TBC1D22A: variants seen among roughly 807,000 people sequenced by gnomAD.
The protein encoded by TBC1D22A is putative GTPase activator.
In TBC1D22A, 38 loss-of-function variants were observed where a neutral mutation model predicts 60.2. That is an observed-to-expected ratio of 0.63 (90% confidence interval 0.49 to 0.83). The LOEUF (loss-of-function observed/expected upper bound fraction) is 0.83. TBC1D22A is among the 40% of genes least tolerant of loss of function. The pLI is 0.00. For missense variants in TBC1D22A, 628 were observed against 701.0 expected (o/e 0.90, Z 1.18); for synonymous variants, 302 against 281.7 (o/e 1.07, Z -0.72).
intron 11 of TBC1D22A, among the ~76,000 whole-genome samples, chr22:47,098,608 C>T (rs910981123): frequency 3.3e-5 from 5 of 152,086 alleles, no homozygotes; most frequent in African/African-American, 1.2e-4. Context: ...GGTGAGGCAT[C>T]TCCCCGACTC....
At chr22:47,043,593 G>A (rs1429982812) in intron 11 of TBC1D22A, among the ~76,000 whole-genome samples, 1 of 152,202 alleles carries the variant, frequency 6.6e-6, no homozygotes, top group African/African-American at 2.4e-5. Flanking sequence ...TAGGGAAGAT[G>A]GGGTGTGTTC....
At chr22:46,774,114 T>A in intron 1 of TBC1D22A, 1 of 985,688 alleles carries the variant, frequency 1.0e-6, no homozygotes, top group Non-Finnish European at 1.2e-6. Flanking sequence ...GAACTCAGGC[T>A]GCTGCCTGCT....
At chr22:46,862,503 A>G (rs371637916) in intron 4 of TBC1D22A, among the ~76,000 whole-genome samples, 1 of 152,156 alleles carries the variant, frequency 6.6e-6, no homozygotes, top group Non-Finnish European at 1.5e-5. Context: ...AGAGCCTGCA[A>G]CCTTGGTTGA....
intron 8 of TBC1D22A, among the ~76,000 whole-genome samples, chr22:46,934,909 A>G (rs925327493): frequency 2.6e-5 from 4 of 152,196 alleles, no homozygotes; most frequent in Admixed American, 2.0e-4. Flanking sequence ...TCACAAGGCC[A>G]GCTTGCCTGG....
intron 1 of TBC1D22A, among the ~76,000 whole-genome samples, chr22:46,771,030 G>A (rs1173574176): frequency 6.6e-6 from 1 of 152,146 alleles, no homozygotes; most frequent in Admixed American, 6.5e-5. Context: ...TACTTTCCAT[G>A]TTATTAAATG....
chr22:46,993,414 A>G (rs1259918498), intron 9 of TBC1D22A, among the ~76,000 whole-genome samples: 1 of 152,228 alleles, frequency 6.6e-6, no homozygotes, highest in East Asian at 1.9e-4. Context: ...TTTTAAAGAT[A>G]CCAGATCTCA....
intron 10 of TBC1D22A, among the ~76,000 whole-genome samples, chr22:47,005,933 C>T (rs565484839): frequency 6.6e-6 from 1 of 151,954 alleles, no homozygotes; most frequent in South Asian, 2.1e-4. Context: ...CACACACACA[C>T]ACCCTTATAT....
intron 1 of TBC1D22A, among the ~76,000 whole-genome samples, chr22:46,767,022 C>T (rs999858141): frequency 3.3e-5 from 5 of 152,150 alleles, no homozygotes; most frequent in African/African-American, 7.2e-5. Flanking sequence ...GTGTTTATTC[C>T]GAACTATCTC....
chr22:47,014,803 G>A (rs1011239946), intron 10 of TBC1D22A, among the ~76,000 whole-genome samples: 3 of 152,152 alleles, frequency 2.0e-5, no homozygotes, highest in African/African-American at 4.8e-5. Flanking sequence ...GGTGTGGTGG[G>A]GGGGACTGCT....
chr22:46,974,371 G>T lies in TBC1D22A; in HGVS notation c.1097G>T (p.Cys366Phe), dbSNP rs764259105. The T allele has an allele frequency of 6.2e-7, 1 of 1,611,342 alleles. No homozygotes were observed. Among genetic ancestry groups the T allele is most frequent in the Admixed American group, 1.7e-5 (1 of 59,754 alleles). The part of the protein sequence containing the change: ...LCNIEADTYW[C>F]MSKLLDGIQD... ...AACATCGAGGCCGACACCTACTGGTGCATGAGCAAGCTGCTGGATGGCATT... is the reference window on the plus strand; with the variant it reads ...AACATCGAGGCCGACACCTACTGGTTCATGAGCAAGCTGCTGGATGGCATT... Residue 366 changes from cysteine to phenylalanine, a missense_variant, in exon 9 of 13, where the codon TGC becomes TTC. Cys to Phe is a radical substitution (Grantham distance 205). Transcript: ENST00000337137.
intron 1 of TBC1D22A, among the ~76,000 whole-genome samples, chr22:46,773,358 C>T (rs1251933990): frequency 6.6e-6 from 1 of 152,254 alleles, no homozygotes; most frequent in African/African-American, 2.4e-5. Context: ...GCGGAGCAGG[C>T]TCAGAGCAGG....
chr22:46,846,307 C>G (rs1233023066), intron 4 of TBC1D22A, among the ~76,000 whole-genome samples: 1 of 151,830 alleles, frequency 6.6e-6, no homozygotes, highest in Admixed American at 6.6e-5. Context: ...AGCACTGATC[C>G]ATTTGTATGT....
intron 8 of TBC1D22A, among the ~76,000 whole-genome samples, chr22:46,924,860 T>C (rs1055597144): frequency 3.3e-5 from 5 of 152,194 alleles, no homozygotes; most frequent in African/African-American, 1.2e-4. Flanking sequence ...ATATGGCTCC[T>C]GGAGCTGGAG....
chr22:47,083,577 AG>A (rs1490289597), intron 11 of TBC1D22A, among the ~76,000 whole-genome samples: 2 of 152,154 alleles, frequency 1.3e-5, no homozygotes, highest in African/African-American at 2.4e-5. Context: ...GTCCTCAGTG[AG>A]GCTGCGTTGG....
intron 4 of TBC1D22A, among the ~76,000 whole-genome samples, chr22:46,849,339 T>G (rs1248326599): frequency 6.6e-6 from 1 of 152,214 alleles, no homozygotes; most frequent in African/African-American, 2.4e-5. Context: ...ACTGCATTCC[T>G]CCTGGACACC....
intron 11 of TBC1D22A, among the ~76,000 whole-genome samples, chr22:47,094,752 T>A (rs2065105470): frequency 6.6e-6 from 1 of 151,924 alleles, no homozygotes; most frequent in Admixed American, 6.6e-5. Context: ...AGTTAGAGAG[T>A]GTTCATACAT....
intron 5 of TBC1D22A, among the ~76,000 whole-genome samples, chr22:46,885,895 T>G (rs2068088465): frequency 6.6e-6 from 1 of 151,522 alleles, no homozygotes; most frequent in Non-Finnish European, 1.5e-5. Context: ...TTATTCTTTT[T>G]GTTACTGTTA....
chr22:47,118,821 A>T (rs1196512104), intron 12 of TBC1D22A, among the ~76,000 whole-genome samples: 2 of 151,538 alleles, frequency 1.3e-5, no homozygotes, highest in African/African-American at 2.4e-5. Context: ...ACATACATTT[A>T]AAAAATGCTA....
chr22:46,829,827 G>A (rs1243098368), intron 4 of TBC1D22A, among the ~76,000 whole-genome samples: 1 of 152,122 alleles, frequency 6.6e-6, no homozygotes, highest in East Asian at 1.9e-4. Context: ...CCGGAGGTTT[G>A]GAGTTCAGTG....
Sources: allele counts gnomAD v4.1 joint callset (sites outside exome capture counted in the v4.1 genomes callset), GRCh38; gene constraint gnomAD v4.1.1; transcripts MANE v1.5; gene names NCBI Gene and HGNC (gene_info 2026-07-23, HGNC 2026-07-21).